Variants in XPO4 observed in about 807,000 individuals in gnomAD.
XPO4 encodes the protein exportin 4.
XPO4 carries 39 observed loss-of-function variants against 143.0 expected under a neutral mutation model. That is an observed-to-expected ratio of 0.27 (90% CI 0.21 to 0.36). The LOEUF (loss-of-function observed/expected upper bound fraction) is 0.36, where lower values mean the gene tolerates loss of function less well. Among genes scored for constraint, XPO4 ranks in the 10% least tolerant of loss-of-function variants. XPO4 has a pLI of 1.00. For synonymous variants in XPO4, 439 were observed against 474.0 expected, an observed-to-expected ratio of 0.93 and a Z score of 0.96; for missense variants, 907 against 1,348.0, an observed-to-expected ratio of 0.67 and a Z score of 5.12.
intron 13 of XPO4, among the ~76,000 whole-genome samples, chr13:20,806,086 T>C (rs1188997045): frequency 2.6e-5 from 4 of 152,194 alleles, no homozygotes; most frequent in African/African-American, 9.7e-5. Flanking sequence ...GAATATATAA[T>C]ATGACAGCAC....
intron 1 of XPO4, among the ~76,000 whole-genome samples, chr13:20,894,429 A>G (rs1286801297): frequency 6.6e-6 from 1 of 152,244 alleles, no homozygotes; most frequent in Non-Finnish European, 1.5e-5. Flanking sequence ...ATTTGCATTT[A>G]TAAGTCTATA....
chr13:20,799,979 G>C (rs1400047836), intron 15 of XPO4, among the ~76,000 whole-genome samples, 177 bp downstream of exon 15: 1 of 152,166 alleles, frequency 6.6e-6, no homozygotes, highest in Non-Finnish European at 1.5e-5. Flanking sequence ...AGCTCCATTT[G>C]CATTTGTAAT....
intron 1 of XPO4, among the ~76,000 whole-genome samples, chr13:20,884,295 T>G (rs1262624901): frequency 2.0e-5 from 3 of 152,166 alleles, no homozygotes; most frequent in African/African-American, 7.2e-5. Flanking sequence ...CAGGATTACT[T>G]GAGCTCAGGA....
At chr13:20,865,280 A>G (rs1346623323) in intron 2 of XPO4, 3 of 165,336 alleles carry the variant, frequency 1.8e-5, no homozygotes, top group African/African-American at 7.2e-5. Flanking sequence ...CTGGGAATAC[A>G]GGCATGTGCC....
At chr13:20,877,728 T>C (rs1404777249) in intron 1 of XPO4, among the ~76,000 whole-genome samples, 1 of 151,946 alleles carries the variant, frequency 6.6e-6, no homozygotes, top group East Asian at 1.9e-4. Context: ...CCAAACCTAA[T>C]CCAAACAAAT....
chr13:20,793,881 T>C (rs779557939), intron 18 of XPO4, among the ~76,000 whole-genome samples: 13 of 152,224 alleles, frequency 8.5e-5, no homozygotes, highest in Non-Finnish European at 1.9e-4. Flanking sequence ...ACAGAAATTA[T>C]GTTACTCAAA....
At chr13:20,888,405 C>T (rs539266388) in intron 1 of XPO4, among the ~76,000 whole-genome samples, 4 of 152,286 alleles carry the variant, frequency 2.6e-5, no homozygotes, top group African/African-American at 9.6e-5. Flanking sequence ...GGATGGAGTG[C>T]AGTGTTGTAA....
In XPO4 at chr13:20,902,694, C is replaced by G. The variant is rs1032620161; in HGVS notation, c.45G>C (p.Leu15=). ...ALGPPEVIAQ[L]ENAAKVLMAP... is the part of the protein sequence containing the mutation. ...CCATCAGAACTTTAGCCGCGTTCTC[C>G]AGCTGAGCGATCACTTCTGGGGGCC... The change falls in exon 1 of 23, where the codon CTG becomes CTC. Residue 15 remains leucine (L), a synonymous_variant. Transcript: ENST00000255305. 2.5e-6 allele frequency: 4 copies of G among 1,585,168 alleles called. No homozygotes were observed. In the African/African-American group the frequency reaches 4.1e-5, roughly 16 times the overall value.
At chr13:20,845,344 G>C (rs1466604510) in intron 4 of XPO4, among the ~76,000 whole-genome samples, 1 of 152,160 alleles carries the variant, frequency 6.6e-6, no homozygotes, top group Non-Finnish European at 1.5e-5. Flanking sequence ...GCGAATCTAG[G>C]GGTATGATCA....
At position 20,778,194 on chromosome 13, in the gene XPO4, AT is replaced by A. The variant is rs1326069770; in HGVS notation, c.*5527del. The A allele has an allele frequency of 6.6e-6, 1 of 152,208 alleles. No homozygotes were observed. Among genetic ancestry groups the A allele is most frequent in the Non-Finnish European group, 1.5e-5 (1 of 68,020 alleles). 9.4% of individuals were successfully genotyped at this position (152,208 alleles called of 1,614,324 possible). On this transcript the variant is annotated 3_prime_UTR_variant, in exon 23 of 23. Coordinates refer to ENST00000255305, the MANE Select transcript of XPO4 (RefSeq NM_022459.5). ...ATCTGTGGGTCTCAAATGACAGATG[AT>A]TAGCCTGTGTGTATGGCCCCACACT... is the stretch of plus-strand genomic sequence containing the variant.
At chr13:20,846,400 T>C (rs1178332791) in intron 4 of XPO4, among the ~76,000 whole-genome samples, 1 of 152,172 alleles carries the variant, frequency 6.6e-6, no homozygotes, top group Non-Finnish European at 1.5e-5. Flanking sequence ...CTAAAGCTAC[T>C]CCTGCAACTA....
At chr13:20,856,026 T>C (rs2060139610) in intron 3 of XPO4, among the ~76,000 whole-genome samples, 1 of 152,148 alleles carries the variant, frequency 6.6e-6, no homozygotes, top group Non-Finnish European at 1.5e-5. Flanking sequence ...ATAACACTAC[T>C]AGTGTTATTA....
At chr13:20,870,233 G>A (rs1252824106) in intron 1 of XPO4, among the ~76,000 whole-genome samples, 1 of 151,774 alleles carries the variant, frequency 6.6e-6, no homozygotes. Context: ...TTCGAGACCA[G>A]CCTGGCCAAC....
chr13:20,883,653 T>C (rs1481821540), intron 1 of XPO4, among the ~76,000 whole-genome samples: 1 of 152,108 alleles, frequency 6.6e-6, no homozygotes. Flanking sequence ...CCAAGAGAGT[T>C]TACCACCAAA....
At chr13:20,813,891 G>A (rs1276732331) in intron 9 of XPO4, among the ~76,000 whole-genome samples, 1 of 151,044 alleles carries the variant, frequency 6.6e-6, no homozygotes, top group African/African-American at 2.4e-5. Context: ...CCGGGAGGCA[G>A]AAGTTGCTGT....
At chr13:20,892,617 A>G (rs1031915176) in intron 1 of XPO4, among the ~76,000 whole-genome samples, 3 of 152,178 alleles carry the variant, frequency 2.0e-5, no homozygotes, top group African/African-American at 7.2e-5. Flanking sequence ...GAGTCCAGCA[A>G]GAGAGACCAA....
At chr13:20,902,187 A>G in intron 1 of XPO4, 5 of 985,320 alleles carry the variant, frequency 5.1e-6, no homozygotes, top group Non-Finnish European at 6.0e-6. Context: ...AGGTGGCTGC[A>G]TGTCAGGGAA....
intron 6 of XPO4, among the ~76,000 whole-genome samples, chr13:20,828,442 A>G (rs2059813634): frequency 6.6e-6 from 1 of 152,234 alleles, no homozygotes; most frequent in African/African-American, 2.4e-5. Context: ...ATTTTTACAG[A>G]AAAATTATTA....
rs117673031 is a variant in XPO4, at chr13:20,902,105, G to A, written c.69+565C>T. 2.7e-3 allele frequency: 2,704 copies of A among 985,396 alleles called. 8 individuals are homozygous for A. The highest frequency in any genetic ancestry group is 4.7e-3 in the Middle Eastern group (9 of 1,914). 61.0% of individuals were successfully genotyped at this position (985,396 alleles called of 1,614,324 possible). On this transcript the variant is annotated intron_variant, in intron 1 of 22. Transcript: ENST00000255305. ...ACCAAGTTTTGCCCCAATGACCTTG[G>A]TCTCAACGATTCCCCTCCCTCCCTC...
Sources: gnomAD v4.1 joint callset for allele counts (sites outside exome capture counted in the v4.1 genomes callset) on GRCh38, gnomAD v4.1.1 for gene constraint, MANE v1.5 for transcripts, NCBI Gene and HGNC (gene_info 2026-07-23, HGNC 2026-07-21) for gene names.